Variants in DNAH17 observed in about 807,000 individuals in gnomAD.
The protein encoded by DNAH17 is axonemal beta dynein heavy chain 17.
A neutral mutation model predicts 485.6 loss-of-function variants in DNAH17; 376 were observed. That is an observed-to-expected ratio of 0.77 (90% confidence interval 0.71 to 0.84). The LOEUF (loss-of-function observed/expected upper bound fraction) is 0.84. Ranked by LOEUF, DNAH17 falls within the 40% of genes least tolerant of loss-of-function variation. The pLI, the probability that DNAH17 is intolerant of heterozygous loss-of-function variation, is 0.00. For missense variants in DNAH17, 6,370 were observed against 5,839.3 expected, an observed-to-expected ratio of 1.09 and a Z score of -2.96; for synonymous variants, 3,031 against 2,405.9, an observed-to-expected ratio of 1.26 and a Z score of -7.60.
In DNAH17 at chr17:78,545,061, T is replaced by G. The variant is rs755466702; in HGVS notation, c.2392-1064A>C. On this transcript the variant is annotated intron_variant, in intron 16 of 80. Transcript: ENST00000389840. ...CTCCTCACGGCTGCCTCTGTCACTC[T>G]TATCATTTACGGACTCTACATCATC... Among the ~76,000 whole-genome samples, 3 of 146,818 alleles carry G rather than the reference T, an allele frequency of 2.0e-5. No individual in the cohort carries two copies. The Admixed American group carries it at 2.0e-4, about 10-fold the overall frequency.
At position 78,491,442 on chromosome 17, in the gene DNAH17, C is replaced by G. The variant is rs1437788904; in HGVS notation, c.6669+1G>C. Reference sequence around the variant, plus strand: ...GGGCTTAGAGTCCAGGGCCCGCGAACCTTGTTGTCATCCATGACTGTGTTG... The same window carrying G: ...GGGCTTAGAGTCCAGGGCCCGCGAAGCTTGTTGTCATCCATGACTGTGTTG... On this transcript the variant is annotated splice_donor_variant, in intron 43 of 80. Coordinates refer to ENST00000389840, the MANE Select transcript of DNAH17 (RefSeq NM_173628.4). LOFTEE classifies it high-confidence loss of function. 1 of 1,612,690 alleles carries G rather than the reference C, an allele frequency of 6.2e-7. No homozygotes were observed. Among genetic ancestry groups the G allele is most frequent in the South Asian group, 1.1e-5 (1 of 90,602 alleles).
chr17:78,528,661 C>T (rs1441338870), intron 22 of DNAH17, among the ~76,000 whole-genome samples: 2 of 152,070 alleles, frequency 1.3e-5, no homozygotes, highest in South Asian at 2.1e-4. Context: ...AGCGGGGTCT[C>T]CTCGGTGGCC....
chr17:78,446,634 TTTATTATTTA>T (rs1425424909), intron 69 of DNAH17, among the ~76,000 whole-genome samples: 2 of 103,424 alleles, frequency 1.9e-5, no homozygotes, highest in African/African-American at 8.1e-5. Flanking sequence ...TTAAATTTAT[TTTATTATTTA>T]TTATTATTTA....
intron 11 of DNAH17, among the ~76,000 whole-genome samples, chr17:78,565,776 C>T (rs1459799286): frequency 6.6e-6 from 1 of 152,086 alleles, no homozygotes; most frequent in Admixed American, 6.6e-5. Flanking sequence ...ATGGCAAAAC[C>T]CCATCTCTAG....
At position 78,571,614 on chromosome 17, in the gene DNAH17, C is replaced by CA. The variant is rs751183505; in HGVS notation, c.707dup (p.Asn237GlufsTer7). 2.5e-6 allele frequency: 4 copies of CA among 1,613,928 alleles called. No homozygotes were observed. The South Asian group carries it at 4.4e-5, about 18-fold the overall frequency. Reference sequence around the variant, plus strand: ...CCTGTTCATGGATGCACTTGAGGTTCAGCAGCCGAGTGTCCCAGAACTCGA... The same window carrying CA: ...CCTGTTCATGGATGCACTTGAGGTTCAAGCAGCCGAGTGTCCCAGAACTCGA... On this transcript the variant is annotated frameshift_variant, in exon 4 of 81. Transcript: ENST00000389840. LOFTEE classifies it high-confidence loss of function.
chr17:78,462,995 G>GT lies in DNAH17; in HGVS notation c.9022dup (p.Thr3008AsnfsTer2). 1.2e-6 allele frequency: 2 copies of GT among 1,614,008 alleles called. No individual in the cohort carries two copies. The highest frequency in any genetic ancestry group is 4.5e-5 in the East Asian group (2 of 44,880). On this transcript the variant is annotated frameshift_variant, in exon 57 of 81. Coordinates refer to ENST00000389840, the MANE Select transcript of DNAH17 (RefSeq NM_173628.4). LOFTEE classifies it high-confidence loss of function. ...TGTGGTGTAGTTGTAGCGCCTCTCA[G>GT]TAGCCAGGTATACCCTGGACATCTC...
chr17:78,430,029 C>T (rs977199011), intron 75 of DNAH17, among the ~76,000 whole-genome samples: 1 of 152,216 alleles, frequency 6.6e-6, no homozygotes, highest in African/African-American at 2.4e-5. Flanking sequence ...ACACGCTTCC[C>T]ACCCCGCCGC....
intron 37 of DNAH17, among the ~76,000 whole-genome samples, chr17:78,498,589 G>A (rs1426534464): frequency 1.3e-5 from 2 of 152,180 alleles, no homozygotes; most frequent in African/African-American, 2.4e-5. Context: ...TCTGTGCCCC[G>A]GCATGGTTGT....
chr17:78,567,044 C>T lies in DNAH17; in HGVS notation c.1407G>A (p.Lys469=). Reference sequence around the variant, plus strand: ...GATCATATTTGCAGTCGGCAAAAACCTTCACCAGCTCAAAGACCTCATCAT... The same window carrying T: ...GATCATATTTGCAGTCGGCAAAAACTTTCACCAGCTCAAAGACCTCATCAT... ...RIYDEVFELV[K]VFADCKYDPL... is the part of the protein sequence containing the mutation. The change falls in exon 10 of 81, where the codon AAG becomes AAA. Residue 469 remains lysine, a synonymous_variant. Coordinates refer to ENST00000389840, the MANE Select transcript of DNAH17 (RefSeq NM_173628.4). 7.4e-6 allele frequency: 12 copies of T among 1,613,758 alleles called. No homozygotes were observed. The highest frequency in any genetic ancestry group is 1.0e-5 in the Non-Finnish European group (12 of 1,179,810).
chr17:78,460,297 TC>T, intron 58 of DNAH17, 40 bp from the exon 59 acceptor site: 1 of 1,543,854 alleles, frequency 6.5e-7, no homozygotes. Flanking sequence ...TGCAGGCCTG[TC>T]CATGTGCCTG....
chr17:78,538,254 G>A (rs935330981), intron 18 of DNAH17, among the ~76,000 whole-genome samples: 2 of 152,018 alleles, frequency 1.3e-5, no homozygotes, highest in Non-Finnish European at 2.9e-5. Flanking sequence ...GGCTGGCCAA[G>A]CCTGCCTGTC....
chr17:78,472,868 C>G (rs1350270906), intron 54 of DNAH17: 2 of 391,800 alleles, frequency 5.1e-6, no homozygotes, highest in Non-Finnish European at 1.1e-5. Flanking sequence ...TGCTTTCAAA[C>G]TATCCTTCCT....
intron 36 of DNAH17, chr17:78,499,531 GCCCCACCTGGGC>G: frequency 7.7e-6 from 1 of 129,052 alleles, no homozygotes; most frequent in East Asian, 2.1e-4. Context: ...GTCTCTCTAG[GCCCCACCTGGGC>G]CAATCAGAAG....
rs371649198 is a variant in DNAH17 at position 78,434,239 on chromosome 17, G to A, written c.12034-19C>T. 8.7e-5 allele frequency: 138 copies of A among 1,592,668 alleles called. No individual in the cohort carries two copies. Among genetic ancestry groups the A allele is most frequent in the Non-Finnish European group, 1.0e-4 (118 of 1,165,050 alleles). ...GGGTGTCCTGTGGGGCACACGCTCC[G>A]GTCAGGTATTAGGGAGAGGGAGAAG... is the stretch of plus-strand genomic sequence containing the variant. On this transcript the variant is annotated intron_variant, in intron 74 of 80. Transcript: ENST00000389840.
At chr17:78,524,742 G>A (rs1288902132) in intron 25 of DNAH17, among the ~76,000 whole-genome samples, 2 of 151,942 alleles carry the variant, frequency 1.3e-5, no homozygotes, top group African/African-American at 4.8e-5. Context: ...GAGAGGAGGA[G>A]GAAAAAGACG....
In DNAH17 at chr17:78,574,816, T is replaced by C; in HGVS notation, c.242A>G (p.Lys81Arg). 1.2e-6 allele frequency: 2 copies of C among 1,613,996 alleles called. No homozygotes were observed. The highest frequency in any genetic ancestry group is 1.7e-5 in the Admixed American group (1 of 60,020). Reference protein sequence around the residue: ...SLKSKGVYFIKTKSENINKDN... With the variant: ...SLKSKGVYFIRTKSENINKDN... Reference sequence around the variant, plus strand: ...CTTGTTGATGTTCTCGGACTTTGTCTTGATGAAGTAAACCCCTTTGGACTT... The same window carrying C: ...CTTGTTGATGTTCTCGGACTTTGTCCTGATGAAGTAAACCCCTTTGGACTT... Residue 81 changes from lysine (K) to arginine (R), a missense_variant, in exon 2 of 81, where the codon AAG becomes AGG. By Grantham distance (26) the Lys-to-Arg change is conservative. Coordinates refer to ENST00000389840, the MANE Select transcript of DNAH17 (RefSeq NM_173628.4).
At chr17:78,541,387 G>A (rs1262593852) in intron 17 of DNAH17, among the ~76,000 whole-genome samples, 2 of 149,000 alleles carry the variant, frequency 1.3e-5, no homozygotes, top group Non-Finnish European at 3.0e-5. Flanking sequence ...GTGGATGGAT[G>A]GATGGATGGA....
At chr17:78,571,458 G>A (rs991665154) in intron 4 of DNAH17, 80 bp from the exon 5 acceptor site, 11 of 1,476,246 alleles carry the variant, frequency 7.5e-6, no homozygotes, top group African/African-American at 1.4e-5. Flanking sequence ...GTGGCTGGCT[G>A]GAGCTGCAGA....
intron 19 of DNAH17, among the ~76,000 whole-genome samples, chr17:78,536,634 T>C (rs115635271): frequency 0.033 from 5,027 of 151,926 alleles, 99 homozygotes; most frequent in Middle Eastern, 0.088. Context: ...TCAGCCGAGA[T>C]TGAACCACTG....
Sources: allele counts gnomAD v4.1 joint callset (sites outside exome capture counted in the v4.1 genomes callset), GRCh38; gene constraint gnomAD v4.1.1; transcripts MANE v1.5; gene names NCBI Gene and HGNC (gene_info 2026-07-23, HGNC 2026-07-21).